ST3GAL4: variants seen among roughly 807,000 people sequenced by gnomAD.
ST3GAL4 encodes CMP-N-acetylneuraminate-beta-galactosamide-alpha-2,3-sialyltransferase 4.
A neutral mutation model predicts 42.6 loss-of-function variants in ST3GAL4; 24 were observed. The ratio of observed to expected loss-of-function variants is 0.56; its 90% CI spans 0.41 to 0.79. The LOEUF (loss-of-function observed/expected upper bound fraction) is 0.79, where lower values mean the gene tolerates loss of function less well. ST3GAL4 is among the 30% of genes least tolerant of loss of function. ST3GAL4 has a pLI of 0.00. For missense variants in ST3GAL4, 311 were observed against 430.8 expected, an observed-to-expected ratio of 0.72 and a Z score of 2.46; for synonymous variants, 135 against 163.2, an observed-to-expected ratio of 0.83 and a Z score of 1.32.
chr11:126,357,699 A>G (rs1291120864), intron 1 of ST3GAL4, among the ~76,000 whole-genome samples: 1 of 152,144 alleles, frequency 6.6e-6, no homozygotes, highest in Non-Finnish European at 1.5e-5. Context: ...AGAGAGACCA[A>G]ACCCCCTTTC....
rs1356717330 is a variant in ST3GAL4 at position 126,384,460 on chromosome 11, T to C, written c.-60-21636T>C. Among the ~76,000 whole-genome samples the C allele has an allele frequency of 1.3e-5, 2 of 152,010 alleles. No homozygotes were observed. Among genetic ancestry groups the C allele is most frequent in the African/African-American group, 2.4e-5 (1 of 41,382 alleles). On this transcript the variant is annotated intron_variant, in intron 1 of 10. Transcript: ENST00000444328. The surrounding 1 kb of genome is among the most constrained non-coding windows in gnomAD (Gnocchi z 5.5). Reference sequence around the variant, plus strand: ...TGGGGTACTGGGTTTGGATAGAGTGTGTCATCTGCAGAGGCAGCACTGTTC... The same window carrying C: ...TGGGGTACTGGGTTTGGATAGAGTGCGTCATCTGCAGAGGCAGCACTGTTC...
At position 126,397,871 on chromosome 11, in the gene ST3GAL4, C is replaced by A. The variant is rs1217926326; in HGVS notation, c.-60-8225C>A. 1.3e-5 allele frequency among the ~76,000 whole-genome samples: 2 copies of A among 152,100 alleles called. No individual in the cohort carries two copies. The highest frequency in any genetic ancestry group is 4.8e-5 in the African/African-American group (2 of 41,404). On this transcript the variant is annotated intron_variant, in intron 1 of 10. Coordinates refer to ENST00000444328, the MANE Select transcript of ST3GAL4 (RefSeq NM_001254757.2). This position sits in a 1 kb window ranked among gnomAD's most constrained non-coding sequence, Gnocchi z 5.0. ...TAAACCCATTCATGAGAACAGAGCC[C>A]TTGACCCATTCATGAGAACAGAGCC...
At position 126,408,121 on chromosome 11, in the gene ST3GAL4, G is replaced by A. The variant is rs1211413082; in HGVS notation, c.364G>A (p.Val122Ile). Residue 122 changes from valine (V) to isoleucine (I), a missense_variant, in exon 7 of 11, where the codon GTC becomes ATC. Val to Ile is a conservative substitution (Grantham distance 29). Coordinates refer to ENST00000444328, the MANE Select transcript of ST3GAL4 (RefSeq NM_001254757.2). The part of the protein sequence containing the change: ...IQSLRCRRCV[V>I]VGNGHRLRNS... Reference sequence around the variant, plus strand: ...CAGCCTCAGGTGCCGCCGCTGTGTGGTCGTGGGGAACGGGCACCGGCTGCG... The same window carrying A: ...CAGCCTCAGGTGCCGCCGCTGTGTGATCGTGGGGAACGGGCACCGGCTGCG... The A allele has an allele frequency of 1.2e-6, 2 of 1,614,112 alleles. No individual in the cohort carries two copies. The highest frequency in any genetic ancestry group is 1.7e-5 in the Admixed American group (1 of 60,022).
chr11:126,407,285 T>G lies in ST3GAL4; in HGVS notation c.216T>G (p.Leu72=), dbSNP rs1299805006. Residue 72 remains leucine (L), a synonymous_variant, in exon 5 of 11, where the codon CTT becomes CTG. Transcript: ENST00000444328. ...YSRDQPIFLR[L]EDYFWVKTPS... ...GGGATCAGCCCATCTTCCTGCGGCTTGAGGATTATTTCTGGGTCAAGACGC... is the reference window on the plus strand; with the variant it reads ...GGGATCAGCCCATCTTCCTGCGGCTGGAGGATTATTTCTGGGTCAAGACGC... 6.2e-7 allele frequency: 1 copy of G among 1,614,052 alleles called. No homozygotes were observed. Among genetic ancestry groups the G allele is most frequent in the Non-Finnish European group, 8.5e-7 (1 of 1,180,012 alleles).
At chr11:126,408,642 T>C (rs1267956863) in intron 8 of ST3GAL4, 146 bp downstream of exon 8, 2 of 940,240 alleles carry the variant, frequency 2.1e-6, no homozygotes, top group African/African-American at 3.3e-5. Context: ...GTCAGCGCCT[T>C]AGGCTGCCCT....
At chr11:126,402,770 T>G (rs1179814596) in intron 1 of ST3GAL4, among the ~76,000 whole-genome samples, 1 of 152,178 alleles carries the variant, frequency 6.6e-6, no homozygotes, top group Non-Finnish European at 1.5e-5. Context: ...GGGCCTTATT[T>G]CTTCACCTTG....
chr11:126,403,936 G>C (rs1954118358), intron 1 of ST3GAL4, among the ~76,000 whole-genome samples: 1 of 152,162 alleles, frequency 6.6e-6, no homozygotes, highest in African/African-American at 2.4e-5. Flanking sequence ...CAGACCAGTG[G>C]TTCTCAACCT....
intron 1 of ST3GAL4, chr11:126,403,259 C>G: frequency 2.0e-6 from 1 of 499,816 alleles, no homozygotes; most frequent in Non-Finnish European, 2.6e-6. Flanking sequence ...GGAATGAAGA[C>G]AAGACAATGT....
At chr11:126,377,703 T>G (rs1456660242) in intron 1 of ST3GAL4, among the ~76,000 whole-genome samples, 1 of 152,214 alleles carries the variant, frequency 6.6e-6, no homozygotes, top group African/African-American at 2.4e-5. Context: ...CTCAGACTCT[T>G]GACCTCAGGT....
At chr11:126,405,852 C>T (rs557995431) in intron 1 of ST3GAL4, 6 of 543,800 alleles carry the variant, frequency 1.1e-5, no homozygotes, top group South Asian at 8.4e-5. Flanking sequence ...GACCGAGTCC[C>T]GAGTCCCTGG....
chr11:126,371,163 CTTTTTTTTT>C (rs551443393), intron 1 of ST3GAL4, among the ~76,000 whole-genome samples: 9 of 59,974 alleles, frequency 1.5e-4, no homozygotes, highest in Non-Finnish European at 2.4e-4. Flanking sequence ...CCCCACATTC[CTTTTTTTTT>C]TTTTTTTTTT....
intron 1 of ST3GAL4, among the ~76,000 whole-genome samples, chr11:126,388,383 T>A (rs1165351834): frequency 1.3e-4 from 20 of 152,108 alleles, no homozygotes. Context: ...CAGGCTGGAG[T>A]GAAGTGGCTT....
chr11:126,402,467 A>G (rs991384556), intron 1 of ST3GAL4, among the ~76,000 whole-genome samples: 31 of 151,530 alleles, frequency 2.0e-4, no homozygotes, highest in East Asian at 3.9e-4. Context: ...AAAAAAAAAA[A>G]AAGAAGAAGA....
rs1394299903 is a variant in ST3GAL4 at position 126,396,384 on chromosome 11, CCAGTG to C, written c.-60-9711_-60-9707del. ...CTACAGCGGAGAGAGTCAGTCCATG[CCAGTG>C]GTGGGATGTGGCTGCAAAAAATGGT... On this transcript the variant is annotated intron_variant, in intron 1 of 10. Transcript: ENST00000444328. This position sits in a 1 kb window ranked among gnomAD's most constrained non-coding sequence, Gnocchi z 5.8. Among the ~76,000 whole-genome samples, 1 of 151,974 alleles carries C rather than the reference CCAGTG, an allele frequency of 6.6e-6. No homozygotes were observed. The highest frequency in any genetic ancestry group is 1.9e-4 in the East Asian group (1 of 5,192).
intron 1 of ST3GAL4, among the ~76,000 whole-genome samples, chr11:126,364,402 T>A (rs1952357660): frequency 7.0e-6 from 1 of 142,818 alleles, no homozygotes; most frequent in African/African-American, 2.6e-5. Context: ...GACCTCCCAG[T>A]TCTGCCTCCT....
rs1004923858 is a variant in ST3GAL4 at position 126,359,794 on chromosome 11, C to T, written c.-61+3952C>T. ...GGGCCCTCCCAGCCTCCCCAGCCCCCACCTCTGCTGCTTTCCCTTGGCAAT... is the reference window on the plus strand; with the variant it reads ...GGGCCCTCCCAGCCTCCCCAGCCCCTACCTCTGCTGCTTTCCCTTGGCAAT... On this transcript the variant is annotated intron_variant, in intron 1 of 10. Transcript: ENST00000444328. This position sits in a 1 kb window ranked among gnomAD's most constrained non-coding sequence, Gnocchi z 4.8. Among the ~76,000 whole-genome samples, 1 of 150,654 alleles carries T rather than the reference C, an allele frequency of 6.6e-6. No homozygotes were observed. Among genetic ancestry groups the T allele is most frequent in the African/African-American group, 2.5e-5 (1 of 40,006 alleles).
intron 1 of ST3GAL4, among the ~76,000 whole-genome samples, chr11:126,389,477 A>G (rs1267749717): frequency 6.6e-6 from 1 of 152,202 alleles, no homozygotes; most frequent in Non-Finnish European, 1.5e-5. Flanking sequence ...TTCATCATAC[A>G]CACAAGCACA....
intron 1 of ST3GAL4, among the ~76,000 whole-genome samples, chr11:126,395,448 A>G (rs1457450998): frequency 6.6e-6 from 1 of 152,146 alleles, no homozygotes; most frequent in Non-Finnish European, 1.5e-5. Context: ...ATAAATCGCA[A>G]AGGCCCAGAG....
chr11:126,412,711 G>A (rs7116008), intron 9 of ST3GAL4, among the ~76,000 whole-genome samples: 67,653 of 152,010 alleles, frequency 0.45, 15,309 homozygotes, highest in East Asian at 0.69. Context: ...ATAAAGGGTC[G>A]CACAGTTAGT....
Sources: gnomAD v4.1 joint callset for allele counts (sites outside exome capture counted in the v4.1 genomes callset) on GRCh38, gnomAD v4.1.1 for gene constraint, Gnocchi (gnomAD v3.1) non-coding constraint, MANE v1.5 for transcripts, NCBI Gene and HGNC (gene_info 2026-07-23, HGNC 2026-07-21) for gene names.